Variants in TANC2 observed in about 807,000 individuals in gnomAD.
The protein encoded by TANC2 is protein TANC2.
In TANC2, 26 loss-of-function variants were observed where a neutral mutation model predicts 210.5. The ratio of observed to expected loss-of-function variants is 0.12; its 90% CI spans 0.09 to 0.17. The LOEUF is 0.17. TANC2 is among the 10% of genes least tolerant of loss of function. TANC2 has a pLI of 1.00. For missense variants in TANC2, 2,129 were observed against 2,608.9 expected (o/e 0.82, Z 4.01); for synonymous variants, 931 against 967.1 (o/e 0.96, Z 0.69).
chr17:63,070,212 A>G (rs2036345283), intron 2 of TANC2, among the ~76,000 whole-genome samples: 2 of 152,220 alleles, frequency 1.3e-5, no homozygotes, highest in African/African-American at 4.8e-5. Flanking sequence ...AATAAAAACC[A>G]TAAACTTAAG....
At chr17:63,084,997 T>C (rs1321596544) in intron 3 of TANC2, among the ~76,000 whole-genome samples, 1 of 152,206 alleles carries the variant, frequency 6.6e-6, no homozygotes, top group Non-Finnish European at 1.5e-5. Flanking sequence ...AACCAGTTGA[T>C]GGATGGTGCT....
At chr17:63,162,591 A>G (rs1437120707) in intron 5 of TANC2, among the ~76,000 whole-genome samples, 1 of 152,198 alleles carries the variant, frequency 6.6e-6, no homozygotes, top group Non-Finnish European at 1.5e-5. Context: ...CAAATGAGAT[A>G]AAAAGCAAAA....
At chr17:63,227,075 A>G (rs1044966361) in intron 7 of TANC2, among the ~76,000 whole-genome samples, 4 of 152,046 alleles carry the variant, frequency 2.6e-5, no homozygotes, top group African/African-American at 7.2e-5. Context: ...GTGTGTATGT[A>G]TCTTTATAAT....
At chr17:63,314,646 A>G (rs369559231) in exon 10 of TANC2, 6 of 1,613,890 alleles carry the variant, frequency 3.7e-6, no homozygotes, top group Non-Finnish European at 5.1e-6. Context: ...ATCGCCTCAG[A>G]CAGCCCACAT....
At position 63,387,533 on chromosome 17, in the gene TANC2, A is replaced by G. The variant is rs557649150; in HGVS notation, c.2692-1102A>G. On this transcript the variant is annotated intron_variant, in intron 15 of 27. Coordinates refer to ENST00000689528, the Ensembl canonical transcript of TANC2. ...ATATGTAGGTATTCTAGGCAAGAAC[A>G]TTCTATATTTCAGGGACAAAGAAAG... Among the ~76,000 whole-genome samples the G allele has an allele frequency of 1.3e-5, 2 of 152,354 alleles. 1 individual carries two copies. Among genetic ancestry groups the G allele is most frequent in the Non-Finnish European group, 2.9e-5 (2 of 68,042 alleles).
intron 14 of TANC2, among the ~76,000 whole-genome samples, chr17:63,370,248 G>A (rs949089419): frequency 2.1e-5 from 3 of 145,934 alleles, no homozygotes; most frequent in African/African-American, 5.2e-5. Context: ...GTGCAATCTC[G>A]GCTCACTGCA....
In TANC2 at chr17:63,388,628, T is replaced by G; in HGVS notation, c.2692-7T>G. ...TACTAATTTAATTGTCTGTATTTCT[T>G]ATTCAGGGTTTGAGTAAAAAAGTTG... On this transcript the variant is annotated splice_region_variant and splice_polypyrimidine_tract_variant and intron_variant, in intron 15 of 27. Coordinates refer to ENST00000689528, the Ensembl canonical transcript of TANC2. The G allele has an allele frequency of 6.3e-7, 1 of 1,598,878 alleles. No individual in the cohort carries two copies. Among genetic ancestry groups the G allele is most frequent in the South Asian group, 1.1e-5 (1 of 87,714 alleles).
intron 15 of TANC2, among the ~76,000 whole-genome samples, chr17:63,385,651 T>A (rs2047755484): frequency 6.6e-6 from 1 of 152,240 alleles, no homozygotes; most frequent in Non-Finnish European, 1.5e-5. Context: ...AATCAGAAGC[T>A]GCCCTTACCC....
rs1330720766 is a variant in TANC2, at chr17:62,966,331, G to A, written c.-442G>A. Among the ~76,000 whole-genome samples the A allele has an allele frequency of 1.4e-5, 2 of 146,576 alleles. No individual in the cohort carries two copies. Among genetic ancestry groups the A allele is most frequent in the South Asian group, 2.1e-4 (1 of 4,806 alleles). ...GCCGCCTCGCGCGAGCCGCCCGCCC[G>A]GCGGGGGAAGCTGCGAGCGCTCCGA... On this transcript the variant is annotated 5_prime_UTR_variant, in exon 1 of 28. Coordinates refer to ENST00000689528, the Ensembl canonical transcript of TANC2. This position sits in a 1 kb window ranked among gnomAD's most constrained non-coding sequence, Gnocchi z 5.1.
At chr17:63,105,915 T>C (rs2037806023) in intron 4 of TANC2, among the ~76,000 whole-genome samples, 1 of 151,714 alleles carries the variant, frequency 6.6e-6, no homozygotes, top group South Asian at 2.1e-4. Context: ...CATGGTAGTC[T>C]TAAGTTCCAT....
intron 8 of TANC2, among the ~76,000 whole-genome samples, chr17:63,246,301 T>G (rs1382521889): frequency 6.6e-6 from 1 of 151,844 alleles, no homozygotes; most frequent in East Asian, 1.9e-4. Flanking sequence ...TTAAAAAAAT[T>G]TTTTTAAAAA....
At chr17:63,368,382 A>G (rs1009734786) in intron 14 of TANC2, among the ~76,000 whole-genome samples, 1 of 152,208 alleles carries the variant, frequency 6.6e-6, no homozygotes, top group Non-Finnish European at 1.5e-5. Context: ...ATAGACAGAG[A>G]GAATGCTCAA....
chr17:63,315,937 TGC>T (rs1212440777), intron 10 of TANC2, among the ~76,000 whole-genome samples: 1 of 152,220 alleles, frequency 6.6e-6, no homozygotes. Context: ...AGGAATATAA[TGC>T]TTAGTTTCTA....
intron 9 of TANC2, among the ~76,000 whole-genome samples, chr17:63,275,450 T>G (rs1021323232): frequency 6.6e-5 from 10 of 152,186 alleles, no homozygotes; most frequent in African/African-American, 2.4e-4. Context: ...AAATCTGTGC[T>G]TCACACCATT....
intron 22 of TANC2, 116 bp downstream of exon 22, chr17:63,411,802 A>T (rs2048710982): frequency 7.0e-7 from 1 of 1,430,990 alleles, no homozygotes. Context: ...GAGCTCTCAG[A>T]TCTATACTTG....
At chr17:63,178,636 A>G (rs886175935) in intron 5 of TANC2, among the ~76,000 whole-genome samples, 2 of 152,192 alleles carry the variant, frequency 1.3e-5, no homozygotes, top group South Asian at 2.1e-4. Flanking sequence ...TGTTTTTACA[A>G]CTCTGTTAAA....
At chr17:63,273,925 T>A (rs377520308) in intron 9 of TANC2, among the ~76,000 whole-genome samples, 107 of 152,362 alleles carry the variant, frequency 7.0e-4, no homozygotes, top group African/African-American at 2.5e-3. Flanking sequence ...CAGATCACAC[T>A]TTTAAAACCA....
intron 18 of TANC2, chr17:63,396,680 C>G (rs972439384): frequency 2.0e-5 from 3 of 152,104 alleles, no homozygotes; most frequent in Admixed American, 6.5e-5. Context: ...AACATAGATG[C>G]AACTGAAGGC....
chr17:63,113,611 G>T (rs896571942), intron 4 of TANC2, among the ~76,000 whole-genome samples: 1 of 152,134 alleles, frequency 6.6e-6, no homozygotes, highest in African/African-American at 2.4e-5. Context: ...GGGGTCAAGA[G>T]ATCTTCCCAC....
Sources: gnomAD v4.1 joint callset for allele counts (sites outside exome capture counted in the v4.1 genomes callset) on GRCh38, gnomAD v4.1.1 for gene constraint, Gnocchi (gnomAD v3.1) non-coding constraint, MANE v1.5 for transcripts, NCBI Gene and HGNC (gene_info 2026-07-23, HGNC 2026-07-21) for gene names.